Variants in KAZN observed in about 807,000 individuals in gnomAD.
KAZN encodes the protein kazrin, periplakin interacting protein.
In KAZN, 40 loss-of-function variants were observed where a neutral mutation model predicts 87.4. That is an observed-to-expected ratio of 0.46 (90% CI 0.36 to 0.60). The LOEUF (loss-of-function observed/expected upper bound fraction) is 0.60, where lower values mean the gene tolerates loss of function less well. KAZN is among the 20% of genes least tolerant of loss of function. KAZN has a pLI of 0.00. For missense variants in KAZN, 898 were observed against 1,073.9 expected (o/e 0.84, Z 2.29); for synonymous variants, 466 against 458.3 (o/e 1.02, Z -0.22).
At chr1:15,109,144 G>A (rs1641398397) in intron 13 of KAZN, among the ~76,000 whole-genome samples, 2 of 152,150 alleles carry the variant, frequency 1.3e-5, no homozygotes, top group Non-Finnish European at 1.5e-5. Context: ...CACCACTTTG[G>A]GAGGTCGAGG....
At chr1:14,119,357 T>C (rs1644701729) in intron 1 of KAZN, among the ~76,000 whole-genome samples, 1 of 152,136 alleles carries the variant, frequency 6.6e-6, no homozygotes, top group Non-Finnish European at 1.5e-5. Flanking sequence ...TCAATTGTGT[T>C]AGGGCAATTA....
chr1:14,210,969 GAC>G (rs1401186067), intron 2 of KAZN, among the ~76,000 whole-genome samples: 3 of 151,630 alleles, frequency 2.0e-5, no homozygotes, highest in African/African-American at 7.3e-5. Context: ...AGAGTAAAAA[GAC>G]AATTAATCTC....
intron 12 of KAZN, 123 bp from the exon 13 acceptor site, chr1:15,103,900 T>G: frequency 1.0e-6 from 1 of 996,824 alleles, no homozygotes; most frequent in Non-Finnish European, 1.5e-6. Flanking sequence ...CACCGTCAAA[T>G]TAACTGGTCC....
chr1:14,107,799 T>C (rs1644411118), intron 1 of KAZN, among the ~76,000 whole-genome samples: 1 of 152,170 alleles, frequency 6.6e-6, no homozygotes, highest in African/African-American at 2.4e-5. Context: ...TATTGGTGAC[T>C]TTACCAAGTG....
At chr1:14,924,464 C>A (rs893002276) in intron 1 of KAZN, 7 of 989,654 alleles carry the variant, frequency 7.1e-6, no homozygotes, top group African/African-American at 3.5e-5. Flanking sequence ...GCCCGCGCGG[C>A]CCCCGGGACC....
rs569986858 is a variant in KAZN at position 14,485,372 on chromosome 1, A to G, written c.250-113611A>G. Reference sequence around the variant, plus strand: ...CTTTATGAGGTAGGAGGTGGGACTCAACTCCAGAGGTGGGGCTCAGACCTG... The same window carrying G: ...CTTTATGAGGTAGGAGGTGGGACTCGACTCCAGAGGTGGGGCTCAGACCTG... On this transcript the variant is annotated intron_variant, in intron 2 of 16. Coordinates refer to the KAZN transcript ENST00000636203. Among the ~76,000 whole-genome samples, 3 of 152,334 alleles carry G rather than the reference A, an allele frequency of 2.0e-5. No homozygotes were observed. The South Asian group carries it at 6.2e-4, about 32-fold the overall frequency.
chr1:14,643,868 G>T (rs1323727540), intron 1 of KAZN, among the ~76,000 whole-genome samples: 1 of 152,104 alleles, frequency 6.6e-6, no homozygotes, highest in East Asian at 1.9e-4. Context: ...ATTCTGACCA[G>T]TATGAGATGG....
At chr1:14,365,039 G>A (rs898182426) in intron 2 of KAZN, among the ~76,000 whole-genome samples, 3 of 151,434 alleles carry the variant, frequency 2.0e-5, no homozygotes, top group Admixed American at 1.3e-4. Flanking sequence ...CACCATGCCC[G>A]GCCCCCTCTC....
In KAZN at chr1:14,398,411, AG is replaced by A. The variant is rs569263961; in HGVS notation, c.250-200569del. Among the ~76,000 whole-genome samples, 57 of 152,380 alleles carry A rather than the reference AG, an allele frequency of 3.7e-4. 1 individual carries two copies. Among genetic ancestry groups the A allele is most frequent in the African/African-American group, 1.3e-3 (52 of 41,590 alleles). ...AATGAATATAACAACAGTATCACAT[AG>A]GGAAATTGTGAGGATCGAATGGGTT... On this transcript the variant is annotated intron_variant, in intron 2 of 16. Coordinates refer to the KAZN transcript ENST00000636203.
chr1:14,778,343 G>GT (rs1645237389), intron 1 of KAZN, among the ~76,000 whole-genome samples: 1 of 151,690 alleles, frequency 6.6e-6, no homozygotes. Flanking sequence ...GCAAAAGGAA[G>GT]GGGAGCCTGG....
intron 2 of KAZN, among the ~76,000 whole-genome samples, chr1:14,369,322 C>T (rs574339802): frequency 6.6e-6 from 1 of 152,188 alleles, no homozygotes; most frequent in African/African-American, 2.4e-5. Flanking sequence ...AGGTCATTAA[C>T]TTTAACACTA....
At chr1:14,643,824 C>T (rs1160918672) in intron 1 of KAZN, among the ~76,000 whole-genome samples, 1 of 152,144 alleles carries the variant, frequency 6.6e-6, no homozygotes, top group Non-Finnish European at 1.5e-5. Context: ...ACCTCATCAG[C>T]ATCTGTTATA....
intron 2 of KAZN, among the ~76,000 whole-genome samples, chr1:14,564,459 G>A (rs2148533656): frequency 6.6e-6 from 1 of 152,110 alleles, no homozygotes; most frequent in East Asian, 1.9e-4. Flanking sequence ...AATATGGGAT[G>A]ATAATAGAAG....
chr1:14,462,286 G>A lies in KAZN; in HGVS notation c.250-136697G>A, dbSNP rs373117686. Among the ~76,000 whole-genome samples the A allele has an allele frequency of 1.2e-3, 180 of 152,082 alleles. 2 individuals are homozygous for A. Among genetic ancestry groups the A allele is most frequent in the African/African-American group, 4.1e-3 (170 of 41,510 alleles). The stretch of plus-strand genomic sequence containing the variant: ...GGACTAAGAGTGGAGACCGTTTGTG[G>A]TTTACACAGGGAGCCCCTAGATTTC... On this transcript the variant is annotated intron_variant, in intron 2 of 16. Coordinates refer to the KAZN transcript ENST00000636203.
chr1:14,663,386 G>C (rs1269102989), intron 1 of KAZN, among the ~76,000 whole-genome samples: 1 of 152,192 alleles, frequency 6.6e-6, no homozygotes, highest in Non-Finnish European at 1.5e-5. Context: ...GAGAGGGAGA[G>C]TCAGGAGCCA....
intron 2 of KAZN, among the ~76,000 whole-genome samples, chr1:14,492,249 C>T (rs1390383252): frequency 1.3e-5 from 2 of 152,106 alleles, no homozygotes; most frequent in Admixed American, 1.3e-4. Flanking sequence ...AGTTTGGGTT[C>T]TTCTGGGCCC....
At chr1:14,392,884 A>AAT (rs1470800648) in intron 2 of KAZN, among the ~76,000 whole-genome samples, 1 of 152,152 alleles carries the variant, frequency 6.6e-6, no homozygotes, top group Non-Finnish European at 1.5e-5. Flanking sequence ...CAATCCACTG[A>AAT]ATAAGTGTAT....
intron 2 of KAZN, among the ~76,000 whole-genome samples, chr1:14,582,388 T>A (rs954114010): frequency 1.3e-5 from 2 of 152,172 alleles, no homozygotes; most frequent in African/African-American, 4.8e-5. Flanking sequence ...AGCTTGTCTC[T>A]TCCTCTACAC....
chr1:14,176,423 T>TCAGCTGCCA (rs573864932), intron 1 of KAZN, among the ~76,000 whole-genome samples: 2 of 152,216 alleles, frequency 1.3e-5, no homozygotes, highest in East Asian at 1.9e-4. Flanking sequence ...CACCCCAATA[T>TCAGCTGCCA]CAGCTGCCAC....
Sources: gnomAD v4.1 joint callset for allele counts (sites outside exome capture counted in the v4.1 genomes callset) on GRCh38, gnomAD v4.1.1 for gene constraint, MANE v1.5 for transcripts, NCBI Gene and HGNC (gene_info 2026-07-23, HGNC 2026-07-21) for gene names.